Variants in PIWIL1 observed in about 807,000 individuals in gnomAD.
PIWIL1 encodes piwi-like protein 1.
A neutral mutation model predicts 114.4 loss-of-function variants in PIWIL1; 73 were observed. The observed-to-expected ratio is 0.64, with a 90% CI of 0.53 to 0.78. The LOEUF is 0.78. Among genes scored for constraint, PIWIL1 ranks in the 30% least tolerant of loss-of-function variants. PIWIL1 has a pLI of 0.00. For missense variants in PIWIL1, 723 were observed against 1,063.1 expected (o/e 0.68, Z 4.45); for synonymous variants, 375 against 369.0 (o/e 1.02, Z -0.19).
chr12:130,365,027 G>C (rs1311888591), intron 18 of PIWIL1, among the ~76,000 whole-genome samples: 1 of 152,164 alleles, frequency 6.6e-6, no homozygotes, highest in Non-Finnish European at 1.5e-5. Context: ...TGGCAGAAAT[G>C]GCTCTTGAAA....
At chr12:130,413,632 C>CA in the PIWIL1 span, among the ~76,000 whole-genome samples, 628 of 72,920 alleles carry the variant, frequency 8.6e-3, 2 homozygotes, top group Non-Finnish European at 0.01. Context: ...GACTCTGTCT[C>CA]AAAAAAAAAA....
chr12:130,354,650 C>T lies in PIWIL1; in HGVS notation c.1158C>T (p.Leu386=), dbSNP rs1485493645. 6.3e-7 allele frequency: 1 copy of T among 1,591,644 alleles called. No individual in the cohort carries two copies. The highest frequency in any genetic ancestry group is 2.2e-5 in the East Asian group (1 of 44,680). The change falls in exon 10 of 21, where the codon CTC becomes CTT. Residue 386 remains leucine (L), a synonymous_variant. Transcript: ENST00000245255. ...GGCCTGCCATGCTCATTCCTGAGCT[C>T]TGCTATCTTACAGGTACTGTTGCAT... ...LPGPAMLIPE[L]CYLTGLTDKM...
In PIWIL1 at chr12:130,338,011, G is replaced by A. The variant is rs918868300; in HGVS notation, c.-148G>A. ...CTGGCTCTCTCGGGAACCCAGCGCC[G>A]AAGGCGAGGTGGGCGCGGGCCGAAG... is the stretch of plus-strand genomic sequence containing the variant. On this transcript the variant is annotated 5_prime_UTR_variant, in exon 1 of 21. Coordinates refer to ENST00000245255, the MANE Select transcript of PIWIL1 (RefSeq NM_004764.5). 1.2e-5 allele frequency: 2 copies of A among 172,608 alleles called. No individual in the cohort carries two copies. Among genetic ancestry groups the A allele is most frequent in the South Asian group, 1.2e-4 (1 of 8,114 alleles). 10.7% of individuals were successfully genotyped at this position (172,608 alleles called of 1,614,324 possible). A position where few individuals can be genotyped will look rare whatever the true frequency, so the allele number is the denominator to read the frequency against.
Position 130,350,039 on chromosome 12 carries a change from A to G in PIWIL1, c.1044+72A>G, listed in dbSNP as rs540716621. The G allele has an allele frequency of 2.4e-5, 20 of 821,070 alleles. No individual in the cohort carries two copies. In the East Asian group the frequency reaches 4.5e-4, roughly 19 times the overall value. The allele number at this position is 821,070 out of a possible 1,614,324, so 50.9% of individuals were successfully genotyped here. A position where few individuals can be genotyped will look rare whatever the true frequency, so the allele number is the denominator to read the frequency against. On this transcript the variant is annotated intron_variant, in intron 9 of 20. Transcript: ENST00000245255. ...GGTAGAATTCTCTAACACTTGTTGC[A>G]CATTTGGAACAAGTTGCGTTTAAAG... is the stretch of plus-strand genomic sequence containing the variant.
At chr12:130,344,140 A>T (rs2073004271) in intron 3 of PIWIL1, among the ~76,000 whole-genome samples, 1 of 152,218 alleles carries the variant, frequency 6.6e-6, no homozygotes, top group South Asian at 2.1e-4. Flanking sequence ...ATCATTGTTT[A>T]TATTCAGAAA....
intron 1 of PIWIL1, among the ~76,000 whole-genome samples, chr12:130,340,091 C>T (rs964069546): frequency 1.3e-5 from 2 of 152,082 alleles, no homozygotes; most frequent in African/African-American, 2.4e-5. Flanking sequence ...GTAGGGTGAC[C>T]GTGGTCACGC....
chr12:130,415,864 AC>A, the PIWIL1 span, among the ~76,000 whole-genome samples: 2 of 152,254 alleles, frequency 1.3e-5, no homozygotes, highest in African/African-American at 4.8e-5. Context: ...ATTTCAGGAT[AC>A]AAAATCAATG....
chr12:130,349,537 T>A, intron 8 of PIWIL1, 101 bp downstream of exon 8: 1 of 798,838 alleles, frequency 1.3e-6, no homozygotes, highest in Non-Finnish European at 2.0e-6. Flanking sequence ...AATTGAGTGG[T>A]GGGAATAGCA....
chr12:130,395,971 C>T, the PIWIL1 span, among the ~76,000 whole-genome samples: 1 of 149,658 alleles, frequency 6.7e-6, no homozygotes, highest in Non-Finnish European at 1.5e-5. Flanking sequence ...AGTGTCACAA[C>T]ATTGTCAATG....
At chr12:130,348,250 A>G in intron 7 of PIWIL1, 67 bp downstream of exon 7, 1 of 882,248 alleles carries the variant, frequency 1.1e-6, no homozygotes, top group African/African-American at 1.7e-5. Context: ...CGATAACCTA[A>G]TTTGAAATGG....
the PIWIL1 span, among the ~76,000 whole-genome samples, chr12:130,421,809 A>G: frequency 6.6e-6 from 1 of 151,914 alleles, no homozygotes; most frequent in African/African-American, 2.4e-5. Context: ...CCTTGCCATG[A>G]TTGATTCCAA....
chr12:130,339,092 C>T (rs571026251), intron 1 of PIWIL1, among the ~76,000 whole-genome samples: 1 of 152,204 alleles, frequency 6.6e-6, no homozygotes, highest in South Asian at 2.1e-4. Context: ...GCGTCCGCCG[C>T]CGCTGCGCTG....
intron 1 of PIWIL1, among the ~76,000 whole-genome samples, chr12:130,338,997 G>T (rs983356437): frequency 6.6e-6 from 1 of 151,938 alleles, no homozygotes; most frequent in African/African-American, 2.4e-5. Context: ...GGACCTGAGA[G>T]CTCTGCAGGA....
intron 1 of PIWIL1, 45 bp from the exon 2 acceptor site, chr12:130,342,535 G>A: frequency 9.1e-7 from 1 of 1,098,712 alleles, no homozygotes; most frequent in East Asian, 2.4e-5. Context: ...TATCAAATGC[G>A]ATTGCCTCCA....
chr12:130,351,421 G>A (rs11060839), intron 9 of PIWIL1: 26,114 of 152,144 alleles, frequency 0.17, 2,439 homozygotes, highest in South Asian at 0.22. Context: ...AGAATCCCCA[G>A]ACTTCCAGTT....
At chr12:130,399,834 CAGA>C in the PIWIL1 span, 1 of 1,613,252 alleles carries the variant, frequency 6.2e-7, no homozygotes, top group South Asian at 1.1e-5. Flanking sequence ...AGGGGTGAGG[CAGA>C]AGAACTATTT....
the PIWIL1 span, chr12:130,406,209 GTAA>G: frequency 6.2e-7 from 1 of 1,603,372 alleles, no homozygotes; most frequent in Non-Finnish European, 8.5e-7. Flanking sequence ...ACCAAAAACT[GTAA>G]TAATATCTCC....
the PIWIL1 span, chr12:130,424,998 C>CG: frequency 2.2e-6 from 1 of 445,222 alleles, no homozygotes; most frequent in Non-Finnish European, 3.7e-6. This position sits in a 1 kb window ranked among gnomAD's most constrained non-coding sequence, Gnocchi z 9.8. Context: ...CTACTCAGGC[C>CG]GGGGGCATGC....
chr12:130,407,526 C>T, the PIWIL1 span, among the ~76,000 whole-genome samples: 3 of 152,188 alleles, frequency 2.0e-5, no homozygotes, highest in Non-Finnish European at 2.9e-5. Context: ...CAGGGGCTGG[C>T]CATGTCCCTG....
Sources: allele counts gnomAD v4.1 joint callset (sites outside exome capture counted in the v4.1 genomes callset), GRCh38; gene constraint gnomAD v4.1.1; non-coding constraint Gnocchi (gnomAD v3.1); transcripts MANE v1.5; gene names NCBI Gene and HGNC (gene_info 2026-07-23, HGNC 2026-07-21).